Variants in LDLRAD4 observed in about 807,000 individuals in gnomAD.
LDLRAD4 encodes the protein low density lipoprotein receptor class A domain containing 4, also known as low-density lipoprotein receptor class A domain-containing protein 4.
Under a neutral mutation model 17.0 loss-of-function variants are expected in LDLRAD4, and 5 were observed. The ratio of observed to expected loss-of-function variants is 0.29; its 90% CI spans 0.15 to 0.62. The LOEUF (loss-of-function observed/expected upper bound fraction) is 0.62. Among genes scored for constraint, LDLRAD4 ranks in the 20% least tolerant of loss-of-function variants. The pLI, the probability that LDLRAD4 is intolerant of heterozygous loss-of-function variation, is 0.84. For missense variants in LDLRAD4, 340 were observed against 424.7 expected (o/e 0.80, Z 1.75); for synonymous variants, 168 against 171.8 (o/e 0.98, Z 0.17).
At chr18:13,255,194 G>GCC (rs371613539) in intron 1 of LDLRAD4, among the ~76,000 whole-genome samples, 4 of 151,298 alleles carry the variant, frequency 2.6e-5, no homozygotes, top group African/African-American at 9.7e-5. Flanking sequence ...ACAGATGCCC[G>GCC]CCCCCCCCAG....
chr18:13,355,540 A>G (rs2083285002), intron 1 of LDLRAD4, among the ~76,000 whole-genome samples: 1 of 152,220 alleles, frequency 6.6e-6, no homozygotes, highest in Non-Finnish European at 1.5e-5. Flanking sequence ...CCTAGTTATT[A>G]TGACTTACTA....
chr18:13,576,778 G>T (rs1467218423), intron 3 of LDLRAD4, among the ~76,000 whole-genome samples: 1 of 152,236 alleles, frequency 6.6e-6, no homozygotes, highest in Non-Finnish European at 1.5e-5. Flanking sequence ...GTAGCAGGGG[G>T]ATGTCCGGAG....
intron 3 of LDLRAD4, among the ~76,000 whole-genome samples, chr18:13,548,117 T>A (rs555035032): frequency 5.2e-4 from 79 of 151,688 alleles, no homozygotes; most frequent in Non-Finnish European, 1.1e-3. Flanking sequence ...AGACCCAGAG[T>A]GGGTGGCTCC....
At chr18:13,376,560 G>T (rs2084926539) in intron 1 of LDLRAD4, among the ~76,000 whole-genome samples, 1 of 152,168 alleles carries the variant, frequency 6.6e-6, no homozygotes, top group Non-Finnish European at 1.5e-5. Context: ...GGTATACACA[G>T]GGGCTTCTTC....
intron 3 of LDLRAD4, among the ~76,000 whole-genome samples, chr18:13,535,285 A>G (rs1202282426): frequency 1.3e-5 from 2 of 152,220 alleles, no homozygotes; most frequent in Non-Finnish European, 2.9e-5. Context: ...TATTCCAGCC[A>G]GCAATGAATG....
intron 2 of LDLRAD4, among the ~76,000 whole-genome samples, chr18:13,389,333 C>T (rs1252917487): frequency 6.6e-6 from 1 of 151,828 alleles, no homozygotes; most frequent in Non-Finnish European, 1.5e-5. Context: ...GGATACTCCT[C>T]CCCTCCAGTC....
intron 3 of LDLRAD4, among the ~76,000 whole-genome samples, chr18:13,554,888 T>C (rs2094468953): frequency 6.6e-6 from 1 of 152,146 alleles, no homozygotes; most frequent in South Asian, 2.1e-4. Flanking sequence ...AAAGAGCAGC[T>C]GTATGGTAGA....
At chr18:13,275,962 A>G (rs112944371), upstream of LDLRAD4, among the ~76,000 whole-genome samples, 12 of 152,352 alleles carry the variant, frequency 7.9e-5, no homozygotes, top group African/African-American at 2.6e-4. Flanking sequence ...TAGTATATGC[A>G]TATATGCTTT....
In LDLRAD4 at chr18:13,643,350, C is replaced by A; in HGVS notation, c.337-9C>A. 1.4e-6 allele frequency: 2 copies of A among 1,470,030 alleles called. No individual in the cohort carries two copies. Among genetic ancestry groups the A allele is most frequent in the South Asian group, 1.4e-5 (1 of 71,684 alleles). 91.1% of individuals were successfully genotyped at this position (1,470,030 alleles called of 1,614,324 possible). A position where few individuals can be genotyped will look rare whatever the true frequency, so the allele number is the denominator to read the frequency against. ...TTCCCCCCACTCTCCTCCCCTTCCC[C>A]TCCGCCAGGAAGGGTGCCTGTGGCC... is the stretch of plus-strand genomic sequence containing the variant. On this transcript the variant is annotated splice_polypyrimidine_tract_variant and intron_variant, in intron 4 of 5. Coordinates refer to ENST00000359446, the Ensembl canonical transcript of LDLRAD4.
intron 1 of LDLRAD4, among the ~76,000 whole-genome samples, chr18:13,335,938 CA>C: frequency 6.6e-6 from 1 of 152,212 alleles, no homozygotes; most frequent in East Asian, 1.9e-4. Flanking sequence ...GGGTAATTTA[CA>C]AAGAGGTTTA....
At chr18:13,243,929 C>G (rs972858040) in intron 1 of LDLRAD4, among the ~76,000 whole-genome samples, 3 of 132,404 alleles carry the variant, frequency 2.3e-5, no homozygotes, top group Admixed American at 1.5e-4. Flanking sequence ...GCACCCATTT[C>G]TCTATCCATC....
intron 3 of LDLRAD4, among the ~76,000 whole-genome samples, chr18:13,609,105 A>G (rs2039237880): frequency 6.6e-6 from 1 of 152,248 alleles, no homozygotes; most frequent in African/African-American, 2.4e-5. Context: ...GGGAGGAGAG[A>G]GTGCCGAATG....
chr18:13,472,041 C>T (rs549209432), intron 3 of LDLRAD4: 2 of 152,222 alleles, frequency 1.3e-5, no homozygotes, highest in Admixed American at 6.5e-5. Flanking sequence ...AGAAGGGTTT[C>T]GTTTGGGTGA....
intron 1 of LDLRAD4, among the ~76,000 whole-genome samples, chr18:13,268,000 C>T (rs542577225): frequency 2.6e-5 from 4 of 152,294 alleles, no homozygotes; most frequent in East Asian, 3.9e-4. Context: ...GTAGCTGGGA[C>T]GACAACTACT....
At chr18:13,292,928 C>T (rs756839613) in intron 1 of LDLRAD4, among the ~76,000 whole-genome samples, 9 of 152,322 alleles carry the variant, frequency 5.9e-5, no homozygotes, top group Non-Finnish European at 1.2e-4. Context: ...GAGACGATGA[C>T]GGAGGCCATG....
chr18:13,281,544 G>A (rs976873310), intron 1 of LDLRAD4, among the ~76,000 whole-genome samples: 1 of 152,248 alleles, frequency 6.6e-6, no homozygotes, highest in Non-Finnish European at 1.5e-5. Context: ...TGCAGGGGGT[G>A]CCCCGAGGTT....
At chr18:13,482,431 C>T (rs559883327) in intron 3 of LDLRAD4, among the ~76,000 whole-genome samples, 2 of 152,234 alleles carry the variant, frequency 1.3e-5, no homozygotes, top group African/African-American at 2.4e-5. Flanking sequence ...CGTGAGCACA[C>T]GGAAGCTCTG....
intron 5 of LDLRAD4, among the ~76,000 whole-genome samples, chr18:13,644,638 A>G (rs2042908689): frequency 6.6e-6 from 1 of 152,074 alleles, no homozygotes; most frequent in African/African-American, 2.4e-5. Flanking sequence ...ACTTTTCTGA[A>G]CCATAGGTTC....
At chr18:13,541,901 G>C (rs560365363) in intron 3 of LDLRAD4, among the ~76,000 whole-genome samples, 9 of 152,264 alleles carry the variant, frequency 5.9e-5, no homozygotes, top group African/African-American at 1.7e-4. Context: ...GTGAGATGTT[G>C]TCTCTACAAA....
Sources: allele counts gnomAD v4.1 joint callset (sites outside exome capture counted in the v4.1 genomes callset), GRCh38; gene constraint gnomAD v4.1.1; transcripts MANE v1.5; gene names NCBI Gene and HGNC (gene_info 2026-07-23, HGNC 2026-07-21).